The following LTBP1 variants were observed in gnomAD, a reference collection of about 807,000 sequenced individuals.
LTBP1 encodes latent transforming growth factor beta binding protein 1, also known as latent-transforming growth factor beta-binding protein 1.
LTBP1 carries 129 observed loss-of-function variants against 207.6 expected under a neutral mutation model. That is an observed-to-expected ratio of 0.62 (90% CI 0.54 to 0.72). The LOEUF (loss-of-function observed/expected upper bound fraction) is 0.72, where lower values mean the gene tolerates loss of function less well. LTBP1 is among the 30% of genes least tolerant of loss of function. LTBP1 has a pLI of 0.00. For synonymous variants in LTBP1, 963 were observed against 833.7 expected (o/e 1.16, Z -2.67); for missense variants, 2,281 against 2,217.2 (o/e 1.03, Z -0.58).
At chr2:33,249,191 A>C (rs912959209) in intron 10 of LTBP1, among the ~76,000 whole-genome samples, 1 of 152,252 alleles carries the variant, frequency 6.6e-6, no homozygotes, top group Admixed American at 6.5e-5. Flanking sequence ...TAAGTACCAG[A>C]TTAATTAATA....
chr2:32,952,784 C>T (rs903035904), intron 2 of LTBP1, among the ~76,000 whole-genome samples: 8 of 152,004 alleles, frequency 5.3e-5, no homozygotes, highest in South Asian at 2.1e-4. Flanking sequence ...AGACTGGACA[C>T]GGGAATAGGC....
intron 3 of LTBP1, chr2:33,056,488 T>G: frequency 1.0e-4 from 74 of 709,160 alleles, no homozygotes; most frequent in Non-Finnish European, 1.4e-4. Context: ...TGAGGGATGA[T>G]GCGCGTCTTC....
At chr2:33,379,115 T>G (rs2095180867) in intron 31 of LTBP1, among the ~76,000 whole-genome samples, 1 of 152,144 alleles carries the variant, frequency 6.6e-6, no homozygotes. Flanking sequence ...TGAGCTGTTT[T>G]GAGCAGTTGT....
At chr2:33,205,806 A>C (rs2089819505) in intron 7 of LTBP1, among the ~76,000 whole-genome samples, 1 of 152,202 alleles carries the variant, frequency 6.6e-6, no homozygotes, top group South Asian at 2.1e-4. Context: ...AGGTTAAGTG[A>C]GATCATAAGG....
At chr2:33,316,936 T>C (rs2094282540) in intron 24 of LTBP1, among the ~76,000 whole-genome samples, 1 of 152,174 alleles carries the variant, frequency 6.6e-6, no homozygotes, top group Admixed American at 6.5e-5. Context: ...GTCTGTGGTA[T>C]AACTACTGAT....
At chr2:33,182,266 G>C (rs1013565709) in intron 5 of LTBP1, among the ~76,000 whole-genome samples, 1 of 151,988 alleles carries the variant, frequency 6.6e-6, no homozygotes, top group African/African-American at 2.4e-5. Flanking sequence ...GGGGGTTAGA[G>C]GTAGATTTAA....
At chr2:33,102,313 A>G (rs2079785000) in intron 3 of LTBP1, among the ~76,000 whole-genome samples, 1 of 152,146 alleles carries the variant, frequency 6.6e-6, no homozygotes, top group Non-Finnish European at 1.5e-5. Context: ...TAGGATACTT[A>G]GTGTCATCCC....
At chr2:33,266,033 C>T (rs1160302833) in intron 15 of LTBP1, among the ~76,000 whole-genome samples, 4 of 152,200 alleles carry the variant, frequency 2.6e-5, no homozygotes, top group Non-Finnish European at 5.9e-5. Flanking sequence ...CTACAGTCAC[C>T]TAGCCACGGC....
At chr2:33,022,502 C>G (rs2075225571) in intron 3 of LTBP1, among the ~76,000 whole-genome samples, 1 of 152,148 alleles carries the variant, frequency 6.6e-6, no homozygotes, top group African/African-American at 2.4e-5. Flanking sequence ...GTATTGTTCA[C>G]TTACAGCTCA....
chr2:32,953,628 C>T (rs75593853), intron 2 of LTBP1, among the ~76,000 whole-genome samples: 16,216 of 152,096 alleles, frequency 0.11, 1,086 homozygotes, highest in Middle Eastern at 0.16. Flanking sequence ...ATGATGAAGC[C>T]CTCCTCCGGC....
rs771400688 is a variant in LTBP1, at chr2:33,257,521, G to T, written c.2395+10G>T. ...GTGGCGGAGCCAGAAGGTGAGAGCG[G>T]TAATGGATCATGGACTCTAGACATC... On this transcript the variant is annotated intron_variant, in intron 12 of 33. Transcript: ENST00000404816. 6.2e-7 allele frequency: 1 copy of T among 1,607,588 alleles called. No homozygotes were observed. Among genetic ancestry groups the T allele is most frequent in the East Asian group, 2.2e-5 (1 of 44,836 alleles).
chr2:32,976,714 GC>G (rs1681845228), intron 2 of LTBP1, among the ~76,000 whole-genome samples: 1 of 152,152 alleles, frequency 6.6e-6, no homozygotes, highest in Non-Finnish European at 1.5e-5. Flanking sequence ...TCAGGCAGGG[GC>G]CACGGTTGGC....
chr2:33,286,730 C>A (rs967264715), intron 19 of LTBP1, among the ~76,000 whole-genome samples: 1 of 139,230 alleles, frequency 7.2e-6, no homozygotes, highest in African/African-American at 2.8e-5. Context: ...CACGTATACA[C>A]CATGGAATAC....
chr2:33,382,204 C>T (rs552579013), intron 31 of LTBP1, among the ~76,000 whole-genome samples: 1 of 146,334 alleles, frequency 6.8e-6, no homozygotes, highest in Admixed American at 7.0e-5. Context: ...AAGCAATTCT[C>T]CTGTCTCAGC....
chr2:33,133,921 C>T (rs982444028), intron 4 of LTBP1, among the ~76,000 whole-genome samples: 42 of 152,194 alleles, frequency 2.8e-4, no homozygotes, highest in African/African-American at 9.9e-4. Context: ...TAGTCTAGGG[C>T]TTATTTTGTG....
At chr2:33,213,384 A>G (rs1487001393) in intron 7 of LTBP1, among the ~76,000 whole-genome samples, 2 of 152,228 alleles carry the variant, frequency 1.3e-5, no homozygotes, top group African/African-American at 2.4e-5. Flanking sequence ...TTTAACTTGT[A>G]AAACATCACC....
rs771231641 is a variant in LTBP1, at chr2:32,947,785, G to C, written c.461G>C (p.Arg154Thr). The C allele has an allele frequency of 3.9e-5, 58 of 1,491,370 alleles. No individual in the cohort carries two copies. In the Middle Eastern group the frequency reaches 1.4e-3, roughly 37 times the overall value. The allele number at this position is 1,491,370 out of a possible 1,614,324, so 92.4% of individuals were successfully genotyped here. Residue 154 changes from arginine (R) to threonine (T), a missense_variant, in exon 1 of 34, where the codon AGG becomes ACG. Around this residue, in one of 3 missense-constraint regions of LTBP1, gnomAD observed 555 missense variants for 491.0 expected, o/e 1.13. Coordinates refer to ENST00000404816, the MANE Select transcript of LTBP1 (RefSeq NM_206943.4). ...PQETQSGGGSRLQVHQKQQLQ... is the reference protein window; with the variant it reads ...PQETQSGGGSTLQVHQKQQLQ... Reference sequence around the variant, plus strand: ...GAGACCCAGAGCGGCGGAGGCTCTAGGCTGCAGGTTCACCAGAAGCAGCAG... The same window carrying C: ...GAGACCCAGAGCGGCGGAGGCTCTACGCTGCAGGTTCACCAGAAGCAGCAG...
In LTBP1 at chr2:33,143,780, T is replaced by A. The variant is rs563603728; in HGVS notation, c.1201+8820T>A. Among the ~76,000 whole-genome samples the A allele has an allele frequency of 2.2e-3, 309 of 139,034 alleles. 2 individuals carry two copies. Among genetic ancestry groups the A allele is most frequent in the Non-Finnish European group, 1.6e-3 (99 of 62,702 alleles). 91.2% of individuals were successfully genotyped at this position (139,034 alleles called of 152,430 possible). A position where few individuals can be genotyped will look rare whatever the true frequency, so the allele number is the denominator to read the frequency against. ...TTCAAACAGTTCTGCCTGTGCTGTT[T>A]TTTGTTGTTTTTTTTTTTTTTCTTT... On this transcript the variant is annotated intron_variant, in intron 5 of 33. Transcript: ENST00000404816.
At chr2:32,949,266 A>G (rs1285153223) in intron 2 of LTBP1, among the ~76,000 whole-genome samples, 2 of 152,270 alleles carry the variant, frequency 1.3e-5, no homozygotes, top group Non-Finnish European at 2.9e-5. Context: ...CATATGGCAG[A>G]ACCAATGTAA....
Sources: allele counts gnomAD v4.1 joint callset (sites outside exome capture counted in the v4.1 genomes callset), GRCh38; gene constraint gnomAD v4.1.1; regional missense constraint gnomAD v4.1.1; transcripts MANE v1.5; gene names NCBI Gene and HGNC (gene_info 2026-07-23, HGNC 2026-07-21).